Variants in AUTS2 observed in about 807,000 individuals in gnomAD.
The protein encoded by AUTS2 is autism susceptibility gene 2 protein.
In AUTS2, 17 loss-of-function variants were observed where a neutral mutation model predicts 112.4. That is an observed-to-expected ratio of 0.15 (90% CI 0.10 to 0.23). AUTS2 has a LOEUF of 0.23. AUTS2 is among the 10% of genes least tolerant of loss of function. AUTS2 has a pLI of 1.00. For synonymous variants in AUTS2, 751 were observed against 702.7 expected, an observed-to-expected ratio of 1.07 and a Z score of -1.09; for missense variants, 1,510 against 1,701.6, an observed-to-expected ratio of 0.89 and a Z score of 1.98.
chr7:70,601,955 A>G, intron 5 of AUTS2, among the ~76,000 whole-genome samples: 1 of 152,060 alleles, frequency 6.6e-6, no homozygotes, highest in East Asian at 1.9e-4. Flanking sequence ...GGTGAGAAAA[A>G]AGTTTGTAGG....
At chr7:70,558,324 A>G (rs1801335800) in intron 5 of AUTS2, among the ~76,000 whole-genome samples, 1 of 152,166 alleles carries the variant, frequency 6.6e-6, no homozygotes. Context: ...TTGTGGCAAG[A>G]AAAGACCAAA....
chr7:70,283,194 A>G (rs1340767671), intron 4 of AUTS2, among the ~76,000 whole-genome samples: 1 of 152,210 alleles, frequency 6.6e-6, no homozygotes, highest in Non-Finnish European at 1.5e-5. Flanking sequence ...TATGGGTGGA[A>G]TGGGAGAAAT....
At chr7:69,670,793 A>G (rs953669711) in intron 1 of AUTS2, among the ~76,000 whole-genome samples, 2 of 151,930 alleles carry the variant, frequency 1.3e-5, no homozygotes, top group Non-Finnish European at 1.5e-5. Context: ...GAGCCTGGGA[A>G]CTCAAGGCTG....
intron 5 of AUTS2, among the ~76,000 whole-genome samples, chr7:70,618,718 CAGACAG>C (rs1477547852): frequency 7.5e-5 from 3 of 39,824 alleles, no homozygotes. Flanking sequence ...TGGCAGGGGA[CAGACAG>C]AGAGAGAGAA....
chr7:70,297,042 G>A (rs1584987216), intron 4 of AUTS2, among the ~76,000 whole-genome samples: 1 of 147,938 alleles, frequency 6.8e-6, no homozygotes, highest in Non-Finnish European at 1.5e-5. Context: ...TAGAGACAAG[G>A]TCTCACTATG....
chr7:69,633,485 A>G, intron 1 of AUTS2, among the ~76,000 whole-genome samples: 1 of 152,200 alleles, frequency 6.6e-6, no homozygotes, highest in South Asian at 2.1e-4. Context: ...GCTGGGTCAT[A>G]TGGAAGTTCT....
chr7:70,632,467 C>G (rs1419097427), intron 5 of AUTS2, among the ~76,000 whole-genome samples: 1 of 151,928 alleles, frequency 6.6e-6, no homozygotes, highest in East Asian at 2.0e-4. Flanking sequence ...ACTTTGCTCT[C>G]TGACCTCTTC....
chr7:70,646,682 A>G (rs1481502852), intron 5 of AUTS2, among the ~76,000 whole-genome samples: 1 of 152,230 alleles, frequency 6.6e-6, no homozygotes, highest in Non-Finnish European at 1.5e-5. Context: ...TGCGGCATCG[A>G]ACAGACTGTG....
chr7:69,926,580 G>A (rs1165164261), intron 2 of AUTS2, among the ~76,000 whole-genome samples: 1 of 151,334 alleles, frequency 6.6e-6, no homozygotes, highest in Non-Finnish European at 1.5e-5. Context: ...TCAAATGTTA[G>A]GTTTGAGACT....
intron 4 of AUTS2, among the ~76,000 whole-genome samples, chr7:70,394,213 C>A (rs917711325): frequency 1.3e-5 from 2 of 152,146 alleles, no homozygotes; most frequent in African/African-American, 4.8e-5. Context: ...TTTTCCCCTA[C>A]AGATGAGTAG....
rs1006852708 is a variant in AUTS2, at chr7:69,996,530, A to G, written c.522+97032A>G. Among the ~76,000 whole-genome samples, 51 of 152,150 alleles carry G rather than the reference A, an allele frequency of 3.4e-4. 1 individual carries two copies. The highest frequency in any genetic ancestry group is 1.6e-3 in the Admixed American group (24 of 15,262). Reference sequence around the variant, plus strand: ...TTGAGACAAAGGGAAGTGTTAAAATATTTTTATATCAAGGAATCTCCTACA... The same window carrying G: ...TTGAGACAAAGGGAAGTGTTAAAATGTTTTTATATCAAGGAATCTCCTACA... On this transcript the variant is annotated intron_variant, in intron 2 of 18. Coordinates refer to ENST00000342771, the MANE Select transcript of AUTS2 (RefSeq NM_015570.4).
intron 5 of AUTS2, chr7:70,437,870 T>A: frequency 6.6e-6 from 1 of 151,176 alleles, no homozygotes; most frequent in Non-Finnish European, 1.5e-5. Context: ...AAATGTGAAT[T>A]CCAAAACCAT....
At position 70,519,946 on chromosome 7, in the gene AUTS2, A is replaced by G. The variant is rs1585248093; in HGVS notation, c.690+84165A>G. On this transcript the variant is annotated intron_variant, in intron 5 of 18. Transcript: ENST00000342771. ...TTCATCATGATATAATTTATGTATC[A>G]TAAAGTTGACCCATTTTTAAGTGTG... Among the ~76,000 whole-genome samples, 6 of 152,356 alleles carry G rather than the reference A, an allele frequency of 3.9e-5. No individual in the cohort carries two copies. The South Asian group carries it at 1.2e-3, about 32-fold the overall frequency.
rs190267160 is a variant in AUTS2, at chr7:69,693,854, G to A, written c.309+93892G>A. Among the ~76,000 whole-genome samples, 565 of 152,270 alleles carry A rather than the reference G, an allele frequency of 3.7e-3. 7 individuals carry two copies. The highest frequency in any genetic ancestry group is 0.013 in the African/African-American group (541 of 41,552). On this transcript the variant is annotated intron_variant, in intron 1 of 18. Coordinates refer to ENST00000342771, the MANE Select transcript of AUTS2 (RefSeq NM_015570.4). ...GTTATTGGACCAGCAGCATCCCTTG[G>A]GAATTTGTTAGATATGCAAATTCAT...
intron 1 of AUTS2, among the ~76,000 whole-genome samples, chr7:69,823,825 C>T (rs538064606): frequency 3.3e-5 from 5 of 151,808 alleles, no homozygotes; most frequent in African/African-American, 4.8e-5. Flanking sequence ...AAAATGTAAA[C>T]GTTTCATATG....
At chr7:69,890,693 G>GAAAA (rs56364103) in intron 1 of AUTS2, among the ~76,000 whole-genome samples, 1 of 134,020 alleles carries the variant, frequency 7.5e-6, no homozygotes, top group African/African-American at 2.7e-5. Context: ...TGTTAAAAAT[G>GAAAA]AAAAAAAAAA....
intron 6 of AUTS2, chr7:70,699,181 C>G (rs916266452): frequency 6.6e-6 from 1 of 150,446 alleles, no homozygotes; most frequent in Non-Finnish European, 1.5e-5. Flanking sequence ...TAAGGGAAAA[C>G]TAACCTTAAA....
At chr7:70,701,659 T>C (rs1809468458) in intron 6 of AUTS2, among the ~76,000 whole-genome samples, 1 of 152,206 alleles carries the variant, frequency 6.6e-6, no homozygotes, top group Non-Finnish European at 1.5e-5. Flanking sequence ...CATGCTTGCA[T>C]GTACACACAA....
At chr7:70,032,931 A>G (rs1800845671) in intron 2 of AUTS2, among the ~76,000 whole-genome samples, 1 of 152,192 alleles carries the variant, frequency 6.6e-6, no homozygotes, top group African/African-American at 2.4e-5. Flanking sequence ...GTCATTCACA[A>G]ATGACTGCAT....
Sources: gnomAD v4.1 joint callset for allele counts (sites outside exome capture counted in the v4.1 genomes callset) on GRCh38, gnomAD v4.1.1 for gene constraint, MANE v1.5 for transcripts, NCBI Gene and HGNC (gene_info 2026-07-23, HGNC 2026-07-21) for gene names.